ZFHX3: variants seen among roughly 807,000 people sequenced by gnomAD.
ZFHX3 encodes the protein zinc finger homeobox 3, also known as zinc finger homeobox protein 3.
ZFHX3 carries 42 observed loss-of-function variants against 279.1 expected under a neutral mutation model. That is an observed-to-expected ratio of 0.15 (90% CI 0.12 to 0.19). ZFHX3 has a LOEUF of 0.19. Ranked by LOEUF, ZFHX3 falls within the 10% of genes least tolerant of loss-of-function variation. The pLI is 1.00. For synonymous variants in ZFHX3, 2,293 were observed against 1,957.8 expected (o/e 1.17, Z -4.52); for missense variants, 4,981 against 4,754.0 (o/e 1.05, Z -1.40).
intron 6 of ZFHX3, among the ~76,000 whole-genome samples, chr16:73,138,945 C>T (rs905786232): frequency 6.6e-6 from 1 of 152,196 alleles, no homozygotes; most frequent in Non-Finnish European, 1.5e-5. Flanking sequence ...CCTGCCTCGG[C>T]CTCCCAAAGG....
intron 1 of ZFHX3, among the ~76,000 whole-genome samples, chr16:73,766,588 A>G (rs180910416): frequency 6.6e-6 from 1 of 152,332 alleles, no homozygotes; most frequent in Admixed American, 6.5e-5. Context: ...ACAAAATTCA[A>G]GAAGAGCTGA....
intron 1 of ZFHX3, among the ~76,000 whole-genome samples, chr16:72,994,225 T>C (rs770703899): frequency 2.0e-5 from 3 of 152,242 alleles, no homozygotes; most frequent in Non-Finnish European, 4.4e-5. Context: ...GTCATCTTTA[T>C]TATTTTAGAA....
chr16:73,015,689 T>A (rs1247964908), intron 1 of ZFHX3: 2 of 152,048 alleles, frequency 1.3e-5, no homozygotes, highest in African/African-American at 4.8e-5. Context: ...CCTGAAGAAC[T>A]GGAAAGCCAG....
intron 3 of ZFHX3, among the ~76,000 whole-genome samples, chr16:72,933,553 T>C (rs1959936720): frequency 1.3e-5 from 2 of 152,210 alleles, no homozygotes; most frequent in Non-Finnish European, 2.9e-5. Context: ...CTGTCTATTT[T>C]ACAGCCTTCT....
rs28706050 is a variant in ZFHX3 at position 73,819,115 on chromosome 16, G to A, written c.-1608+72536C>T. Among the ~76,000 whole-genome samples the A allele has an allele frequency of 5.1e-3, 778 of 152,124 alleles. 7 individuals are homozygous for A. Among genetic ancestry groups the A allele is most frequent in the African/African-American group, 0.017 (712 of 41,486 alleles). On this transcript the variant is annotated intron_variant, in intron 1 of 17. Coordinates refer to the ZFHX3 transcript ENST00000641206. ...ACACCGTGGAGCTAGTAATTGCTAT[G>A]CAGTCAATTACCAATGGCATAGCAA...
At chr16:73,052,353 TG>T (rs2144728623), upstream of ZFHX3, among the ~76,000 whole-genome samples, 1 of 152,042 alleles carries the variant, frequency 6.6e-6, no homozygotes, top group South Asian at 2.1e-4. Context: ...TTTTTTTTAA[TG>T]AAGAATTCAT....
At chr16:73,481,855 C>T (rs548944260) in intron 2 of ZFHX3, among the ~76,000 whole-genome samples, 2 of 152,176 alleles carry the variant, frequency 1.3e-5, no homozygotes, top group South Asian at 2.1e-4. Context: ...CATACTCTCC[C>T]ATATCTGCCC....
At chr16:73,832,270 A>G (rs1567424386) in intron 1 of ZFHX3, among the ~76,000 whole-genome samples, 1 of 151,726 alleles carries the variant, frequency 6.6e-6, no homozygotes, top group Non-Finnish European at 1.5e-5. Flanking sequence ...GCAATCCACC[A>G]GGGCTCTGCT....
chr16:73,163,227 G>A (rs1967281065), intron 5 of ZFHX3, among the ~76,000 whole-genome samples: 1 of 152,182 alleles, frequency 6.6e-6, no homozygotes, highest in African/African-American at 2.4e-5. Flanking sequence ...CACATACTGA[G>A]CCAGGTGCAG....
At chr16:73,507,056 C>A (rs1414218471) in intron 2 of ZFHX3, among the ~76,000 whole-genome samples, 2 of 152,150 alleles carry the variant, frequency 1.3e-5, no homozygotes, top group East Asian at 3.9e-4. Context: ...CTGGGTTCTC[C>A]TGTTTTCTAC....
At chr16:73,492,819 A>C (rs2019076492) in intron 2 of ZFHX3, among the ~76,000 whole-genome samples, 1 of 152,184 alleles carries the variant, frequency 6.6e-6, no homozygotes, top group African/African-American at 2.4e-5. Context: ...AATGCCTTAA[A>C]CCTTCAATAA....
At chr16:73,098,050 A>G (rs1018836952) in intron 7 of ZFHX3, among the ~76,000 whole-genome samples, 5 of 149,936 alleles carry the variant, frequency 3.3e-5, no homozygotes, top group African/African-American at 1.2e-4. Flanking sequence ...GTGTACAAGT[A>G]TCTGCGTCCC....
At chr16:73,450,608 T>C (rs2018267498) in intron 3 of ZFHX3, among the ~76,000 whole-genome samples, 1 of 152,228 alleles carries the variant, frequency 6.6e-6, no homozygotes. Flanking sequence ...ACTCTGCTGT[T>C]TTCTTTAGAA....
At chr16:73,465,003 G>T (rs1219581059) in intron 2 of ZFHX3, among the ~76,000 whole-genome samples, 1 of 152,224 alleles carries the variant, frequency 6.6e-6, no homozygotes, top group Admixed American at 6.5e-5. Context: ...AGGCAGGCTG[G>T]ATGTGCACAT....
intron 1 of ZFHX3, among the ~76,000 whole-genome samples, chr16:72,984,907 A>G (rs1249181688): frequency 6.6e-6 from 1 of 152,204 alleles, no homozygotes; most frequent in African/African-American, 2.4e-5. Context: ...ACATATGGAT[A>G]TATTTATATA....
chr16:73,239,619 C>T (rs936854042), intron 5 of ZFHX3, among the ~76,000 whole-genome samples: 5 of 152,128 alleles, frequency 3.3e-5, no homozygotes, highest in South Asian at 2.1e-4. Context: ...CTTCCAGCAG[C>T]GGTAGATTCT....
At chr16:72,856,316 C>T (rs1299001466) in intron 4 of ZFHX3, among the ~76,000 whole-genome samples, 1 of 152,342 alleles carries the variant, frequency 6.6e-6, no homozygotes, top group African/African-American at 2.4e-5. Context: ...TCAGTAACAT[C>T]GTACTACTCA....
At chr16:72,805,537 C>G (rs550191859) in intron 7 of ZFHX3, among the ~76,000 whole-genome samples, 2 of 151,920 alleles carry the variant, frequency 1.3e-5, no homozygotes, top group East Asian at 3.9e-4. Flanking sequence ...CAGACCAAGC[C>G]AGTCTCTACA....
chr16:73,310,067 C>T (rs532969954), intron 4 of ZFHX3, among the ~76,000 whole-genome samples: 194 of 152,112 alleles, frequency 1.3e-3, no homozygotes, highest in African/African-American at 4.5e-3. Context: ...CACCACCACG[C>T]CTGGCTCATT....
Sources: gnomAD v4.1 joint callset for allele counts (sites outside exome capture counted in the v4.1 genomes callset) on GRCh38, gnomAD v4.1.1 for gene constraint, MANE v1.5 for transcripts, NCBI Gene and HGNC (gene_info 2026-07-23, HGNC 2026-07-21) for gene names.